Variants in TENM2 observed in about 807,000 individuals in gnomAD.
The protein encoded by TENM2 is teneurin transmembrane protein 2, also known as teneurin-2.
A neutral mutation model predicts 245.2 loss-of-function variants in TENM2; 52 were observed. That is an observed-to-expected ratio of 0.21 (90% CI 0.17 to 0.27). The LOEUF is 0.27. TENM2 is among the 10% of genes least tolerant of loss of function. TENM2 has a pLI of 1.00. For synonymous variants in TENM2, 1,363 were observed against 1,438.9 expected (o/e 0.95, Z 1.19); for missense variants, 3,046 against 3,666.8 (o/e 0.83, Z 4.37).
the TENM2 span, among the ~76,000 whole-genome samples, chr5:167,126,591 T>G: frequency 1.3e-5 from 2 of 152,196 alleles, no homozygotes; most frequent in South Asian, 4.1e-4. Flanking sequence ...AGAACTCACA[T>G]TCATTTCTGA....
intron 7 of TENM2, among the ~76,000 whole-genome samples, chr5:168,067,086 C>T (rs1191229249): frequency 6.6e-6 from 1 of 152,212 alleles, no homozygotes; most frequent in East Asian, 1.9e-4. Flanking sequence ...GCAGTTACCA[C>T]TTGGGAGCCC....
chr5:167,944,507 G>A (rs997720043), intron 3 of TENM2, among the ~76,000 whole-genome samples: 6 of 152,100 alleles, frequency 3.9e-5, no homozygotes, highest in African/African-American at 1.4e-4. Context: ...GTGCTAGGCA[G>A]TGTGCCCCGT....
At chr5:167,453,422 G>A (rs1765726668) in intron 2 of TENM2, among the ~76,000 whole-genome samples, 1 of 152,072 alleles carries the variant, frequency 6.6e-6, no homozygotes, top group Non-Finnish European at 1.5e-5. Context: ...AGACTTACTT[G>A]TCCCTTTCCC....
intron 19 of TENM2, among the ~76,000 whole-genome samples, chr5:168,208,164 T>C (rs192889202): frequency 2.8e-4 from 43 of 152,274 alleles, no homozygotes; most frequent in Admixed American, 4.6e-4. Context: ...TAGACCTCAA[T>C]ATGAGGCAGT....
chr5:167,724,649 A>G (rs1023802711), intron 2 of TENM2, among the ~76,000 whole-genome samples: 1 of 152,170 alleles, frequency 6.6e-6, no homozygotes, highest in African/African-American at 2.4e-5. Flanking sequence ...AGAGATAGGA[A>G]CACCACTTCA....
chr5:167,807,056 G>A (rs7707689), intron 2 of TENM2, among the ~76,000 whole-genome samples: 48,447 of 141,624 alleles, frequency 0.34, 9,812 homozygotes, highest in African/African-American at 0.56. Flanking sequence ...AGCTAATACT[G>A]CATGGTCCAA....
At chr5:168,231,772 A>ACAACAAC (rs1764939028) in intron 25 of TENM2, among the ~76,000 whole-genome samples, 1 of 151,192 alleles carries the variant, frequency 6.6e-6, no homozygotes, top group Non-Finnish European at 1.5e-5. Context: ...ACAAACAACA[A>ACAACAAC]CAACAACCAA....
chr5:167,069,708 T>C, the TENM2 span, among the ~76,000 whole-genome samples: 1 of 152,236 alleles, frequency 6.6e-6, no homozygotes, highest in South Asian at 2.1e-4. Context: ...GCAGTGGTTA[T>C]CATTGGCTGA....
intron 3 of TENM2, among the ~76,000 whole-genome samples, chr5:167,948,454 T>C (rs1202810298): frequency 6.6e-6 from 1 of 152,192 alleles, no homozygotes; most frequent in Non-Finnish European, 1.5e-5. Context: ...ACAGGAAACA[T>C]CTTGTCTATA....
chr5:167,506,233 A>G (rs1303839644), intron 2 of TENM2, among the ~76,000 whole-genome samples: 1 of 152,206 alleles, frequency 6.6e-6, no homozygotes, highest in African/African-American at 2.4e-5. Flanking sequence ...GTTCTAACAA[A>G]GTATTTTTAG....
chr5:167,485,633 G>A (rs545548501), intron 2 of TENM2, among the ~76,000 whole-genome samples: 2 of 152,194 alleles, frequency 1.3e-5, no homozygotes, highest in South Asian at 4.1e-4. Flanking sequence ...TAGCTCCCTG[G>A]GAGGTGGTTC....
intron 4 of TENM2, among the ~76,000 whole-genome samples, chr5:167,973,735 G>A (rs1781978459): frequency 6.6e-6 from 1 of 152,070 alleles, no homozygotes; most frequent in African/African-American, 2.4e-5. Flanking sequence ...GAGCAAGGCT[G>A]TGCCAGCATT....
intron 2 of TENM2, among the ~76,000 whole-genome samples, chr5:167,442,970 T>A (rs1764954024): frequency 6.6e-6 from 1 of 152,180 alleles, no homozygotes; most frequent in Admixed American, 6.6e-5. Flanking sequence ...AATTTGCTTA[T>A]ACAGGAAAGA....
chr5:168,212,417 C>T (rs2152555406), intron 20 of TENM2, among the ~76,000 whole-genome samples: 1 of 152,326 alleles, frequency 6.6e-6, no homozygotes, highest in Non-Finnish European at 1.5e-5. Flanking sequence ...TGCATTCACA[C>T]ATGAACCACA....
chr5:167,026,309 A>C, the TENM2 span, among the ~76,000 whole-genome samples: 6 of 152,340 alleles, frequency 3.9e-5, no homozygotes, highest in Admixed American at 3.3e-4. Flanking sequence ...TTCTTTTGAA[A>C]ATAATAAAAA....
At chr5:167,827,591 A>G (rs530487338) in intron 2 of TENM2, among the ~76,000 whole-genome samples, 8 of 118,892 alleles carry the variant, frequency 6.7e-5, no homozygotes, top group South Asian at 3.1e-4. Context: ...TTAAAGATGG[A>G]TATAATTATA....
chr5:167,868,876 C>T lies in TENM2; in HGVS notation c.503-7110C>T, dbSNP rs773856270. ...GCAGGTGCTTGTGAACCAGCTGGAA[C>T]CAGTAAGCTGAAAGTCTCATTATTT... On this transcript the variant is annotated intron_variant, in intron 2 of 28. Transcript: ENST00000518659. Among the ~76,000 whole-genome samples, 38 of 152,142 alleles carry T rather than the reference C, an allele frequency of 2.5e-4. 1 individual carries two copies. The highest frequency in any genetic ancestry group is 4.4e-4 in the Non-Finnish European group (30 of 68,032).
intron 2 of TENM2, among the ~76,000 whole-genome samples, chr5:167,518,993 A>G (rs1770581217): frequency 6.6e-6 from 1 of 152,152 alleles, no homozygotes; most frequent in Non-Finnish European, 1.5e-5. Flanking sequence ...AGTTTTATGC[A>G]GCGATGTTCC....
At chr5:167,752,505 C>T (rs1762030107) in intron 2 of TENM2, among the ~76,000 whole-genome samples, 1 of 152,060 alleles carries the variant, frequency 6.6e-6, no homozygotes, top group Non-Finnish European at 1.5e-5. Context: ...TTCAGTGAGA[C>T]TACAGAGCCA....
Sources: allele counts gnomAD v4.1 joint callset (sites outside exome capture counted in the v4.1 genomes callset), GRCh38; gene constraint gnomAD v4.1.1; transcripts MANE v1.5; gene names NCBI Gene and HGNC (gene_info 2026-07-23, HGNC 2026-07-21).